AVIL: variants seen among roughly 807,000 people sequenced by gnomAD.
AVIL encodes advillin.
A neutral mutation model predicts 109.9 loss-of-function variants in AVIL; 78 were observed. That is an observed-to-expected ratio of 0.71 (90% CI 0.59 to 0.86). The LOEUF is 0.86. Among genes scored for constraint, AVIL ranks in the 40% least tolerant of loss-of-function variants. The pLI, the probability that AVIL is intolerant of heterozygous loss-of-function variation, is 0.00. For missense variants in AVIL, 892 were observed against 1,016.5 expected, an observed-to-expected ratio of 0.88 and a Z score of 1.67; for synonymous variants, 367 against 379.1, an observed-to-expected ratio of 0.97 and a Z score of 0.37.
At position 57,806,469 on chromosome 12, in the gene AVIL, T is replaced by C. The variant is rs1234751471; in HGVS notation, c.1562A>G (p.Asp521Gly). The C allele has an allele frequency of 1.9e-6, 3 of 1,614,170 alleles. No homozygotes were observed. The highest frequency in any genetic ancestry group is 2.2e-5 in the South Asian group (2 of 91,082). ...TTCCACTGCTTTGGTGTTAGATTTG[T>C]CATTTCCATGAATTTGGAAGAGTCT... Reference protein sequence around the residue: ...PVRLFQIHGNDKSNTKAVEVP... With the variant: ...PVRLFQIHGNGKSNTKAVEVP... Residue 521 changes from aspartate (D) to glycine (G), a missense_variant, in exon 14 of 20, where the codon GAC becomes GGC. By Grantham distance (94) the Asp-to-Gly change is moderately conservative. Transcript: ENST00000549994.
At chr12:57,807,250 T>A in intron 13 of AVIL, 81 bp downstream of exon 13, 11 of 1,548,112 alleles carry the variant, frequency 7.1e-6, no homozygotes, top group South Asian at 2.3e-5. Context: ...CCACCCCTCC[T>A]CTGCTCTCCA....
In AVIL at chr12:57,809,898, A is replaced by C; in HGVS notation, c.762-8T>G. ...CCAGCTGAATCTGAGATACTGGAGA[A>C]GGGGAGAGGTTAGCCTGTGCCTTTT... is the stretch of plus-strand genomic sequence containing the variant. On this transcript the variant is annotated splice_polypyrimidine_tract_variant and splice_region_variant and intron_variant, in intron 7 of 19. Transcript: ENST00000549994. 6.2e-7 allele frequency: 1 copy of C among 1,613,924 alleles called. No individual in the cohort carries two copies. The highest frequency in any genetic ancestry group is 8.5e-7 in the Non-Finnish European group (1 of 1,179,854).
rs374415947 is a variant in AVIL, at chr12:57,807,383, G to A, written c.1439C>T (p.Thr480Met). The change falls in exon 13 of 20, where the codon ACG becomes ATG. Residue 480 changes from threonine (T) to methionine (M), a missense_variant. Coordinates refer to ENST00000549994, the MANE Select transcript of AVIL (RefSeq NM_006576.4). ...GATGGCCATGAAGTGGCGTGGCTCC[G>A]TTCCCATCCTGACTCGAACCTGCAC... ...AAVQVRVRMG[T>M]EPRHFMAIFK... The A allele has an allele frequency of 2.3e-5, 37 of 1,614,172 alleles. No homozygotes were observed. Among genetic ancestry groups the A allele is most frequent in the African/African-American group, 1.1e-4 (8 of 75,016 alleles).
intron 12 of AVIL, 41 bp from the exon 13 acceptor site, chr12:57,807,530 C>T (rs759108127): frequency 6.8e-6 from 11 of 1,614,116 alleles, no homozygotes; most frequent in Admixed American, 6.7e-5. Context: ...TGCTCCCCGC[C>T]CCAGCCCAGT....
chr12:57,808,924 T>TA (rs1955994967), intron 9 of AVIL: 3 of 224,680 alleles, frequency 1.3e-5, no homozygotes, highest in African/African-American at 7.0e-5. Flanking sequence ...ACAGGGCCAT[T>TA]AACCTTGATA....
In AVIL at chr12:57,807,673, A is replaced by G. The variant is rs1955971804; in HGVS notation, c.1249T>C (p.Phe417Leu). 6.2e-7 allele frequency: 1 copy of G among 1,614,158 alleles called. No individual in the cohort carries two copies. Among genetic ancestry groups the G allele is most frequent in the Non-Finnish European group, 8.5e-7 (1 of 1,180,032 alleles). The change falls in exon 12 of 20, where the codon TTC becomes CTC. Residue 417 changes from phenylalanine (F) to leucine (L), a missense_variant. By Grantham distance (22) the Phe-to-Leu change is conservative. Transcript: ENST00000549994. ...AGATAACAGTCTCCCCCATAAAAGA[A>G]GCCATACCATTGATACTCCACAGGG... ...LVPVEYQWYG[F>L]FYGGDCYLVL...
intron 18 of AVIL, 61 bp downstream of exon 18, chr12:57,801,083 T>C: frequency 2.1e-6 from 3 of 1,396,798 alleles, no homozygotes; most frequent in Non-Finnish European, 3.0e-6. Flanking sequence ...GTAGCATTTG[T>C]GTGTTCTCTG....
intron 18 of AVIL, 108 bp from the exon 19 acceptor site, chr12:57,800,028 C>T: frequency 7.2e-7 from 1 of 1,393,728 alleles, no homozygotes. Flanking sequence ...CCACTTCACC[C>T]TCTGTAATCA....
intron 13 of AVIL, 80 bp downstream of exon 13, chr12:57,807,251 C>G (rs1345007613): frequency 2.4e-5 from 39 of 1,593,838 alleles, no homozygotes; most frequent in Middle Eastern, 1.7e-4. Flanking sequence ...CACCCCTCCT[C>G]TGCTCTCCAA....
chr12:57,807,861 C>T (rs1401414878), intron 11 of AVIL, 134 bp from the exon 12 acceptor site: 3 of 1,283,824 alleles, frequency 2.3e-6, no homozygotes, highest in African/African-American at 2.9e-5. Context: ...GGTTCTCTCC[C>T]AGTGCTGAGG....
chr12:57,813,763 T>G (rs1956067555), intron 3 of AVIL, among the ~76,000 whole-genome samples: 1 of 152,222 alleles, frequency 6.6e-6, no homozygotes, highest in South Asian at 2.1e-4. Flanking sequence ...AGTGCTCATC[T>G]GTACACCTGC....
chr12:57,802,578 G>A (rs757747027), intron 16 of AVIL: 16 of 715,294 alleles, frequency 2.2e-5, no homozygotes, highest in Non-Finnish European at 3.5e-5. Flanking sequence ...AATTGGAGCT[G>A]TCTCTGAACT....
At position 57,811,014 on chromosome 12, in the gene AVIL, C is replaced by T; in HGVS notation, c.447+5G>A. On this transcript the variant is annotated splice_donor_5th_base_variant and intron_variant, in intron 5 of 19. Coordinates refer to ENST00000549994, the MANE Select transcript of AVIL (RefSeq NM_006576.4). ...GGCCTGGGGCAGAGAGTGTGCAGGA[C>T]TAACCTCGGTAGCCCTGATGTTTCT... 6.2e-7 allele frequency: 1 copy of T among 1,614,214 alleles called. No individual in the cohort carries two copies. The highest frequency in any genetic ancestry group is 8.5e-7 in the Non-Finnish European group (1 of 1,180,022).
chr12:57,806,937 C>T (rs925362358), intron 13 of AVIL, among the ~76,000 whole-genome samples: 3 of 152,172 alleles, frequency 2.0e-5, no homozygotes, highest in African/African-American at 7.2e-5. Flanking sequence ...GGTAGTGCTT[C>T]AGCCAGGGCT....
intron 16 of AVIL, chr12:57,802,877 A>T (rs1030076194): frequency 1.8e-6 from 1 of 541,316 alleles, no homozygotes; most frequent in African/African-American, 1.9e-5. Flanking sequence ...GGCCCACAGT[A>T]GCTCTTACTT....
chr12:57,815,440 C>T (rs1008246634), intron 2 of AVIL: 2 of 532,606 alleles, frequency 3.8e-6, no homozygotes, highest in Non-Finnish European at 5.6e-6. Flanking sequence ...GGGGGGAATC[C>T]TCGTATCTGG....
chr12:57,813,386 T>G lies in AVIL; in HGVS notation c.179A>C (p.His60Pro), dbSNP rs115907101. ...RVASLLSQDI[H>P]FWIGKDSSQD... is the part of the protein sequence containing the mutation. ...GGAGGAGTCCTTCCCGATCCAGAAG[T>G]GGATGTCCTGGGATAGGAGACTGGC... Residue 60 changes from histidine to proline, a missense_variant, in exon 4 of 20, where the codon CAC (histidine) becomes CCC (proline). Transcript: ENST00000549994. 1.2e-6 allele frequency: 2 copies of G among 1,613,960 alleles called. No homozygotes were observed. The highest frequency in any genetic ancestry group is 2.7e-5 in the African/African-American group (2 of 74,974).
intron 1 of AVIL, among the ~76,000 whole-genome samples, chr12:57,817,241 T>A (rs146541084): frequency 5.9e-4 from 89 of 152,064 alleles, no homozygotes; most frequent in African/African-American, 1.8e-3. Context: ...ATTTAAAAAT[T>A]CACCCAGAAA....
At chr12:57,812,357 T>TTTTTGTTTTG (rs375054932) in intron 4 of AVIL, among the ~76,000 whole-genome samples, 4 of 148,790 alleles carry the variant, frequency 2.7e-5, no homozygotes, top group Admixed American at 2.0e-4. Flanking sequence ...TGTGTGCATG[T>TTTTTGTTTTG]TTTTGTTTTG....
Sources: allele counts gnomAD v4.1 joint callset (sites outside exome capture counted in the v4.1 genomes callset), GRCh38; gene constraint gnomAD v4.1.1; transcripts MANE v1.5; gene names NCBI Gene and HGNC (gene_info 2026-07-23, HGNC 2026-07-21).